The following GRIK2 variants were observed in gnomAD, a reference collection of about 807,000 sequenced individuals.
GRIK2 encodes the protein glutamate ionotropic receptor kainate type subunit 2, also known as glutamate receptor ionotropic, kainate 2.
A neutral mutation model predicts 100.3 loss-of-function variants in GRIK2; 32 were observed. The ratio of observed to expected loss-of-function variants is 0.32; its 90% CI spans 0.24 to 0.43. The LOEUF is 0.43. Among genes scored for constraint, GRIK2 ranks in the 20% least tolerant of loss-of-function variants. The pLI, the probability that GRIK2 is intolerant of heterozygous loss-of-function variation, is 1.00. For missense variants in GRIK2, 843 were observed against 1,114.9 expected, an observed-to-expected ratio of 0.76 and a Z score of 3.47; for synonymous variants, 417 against 389.4, an observed-to-expected ratio of 1.07 and a Z score of -0.83.
At chr6:101,911,935 T>C (rs1303791093) in intron 12 of GRIK2, among the ~76,000 whole-genome samples, 2 of 151,408 alleles carry the variant, frequency 1.3e-5, no homozygotes. Context: ...ACCCTTGTAA[T>C]GTCTACCCTT....
intron 7 of GRIK2, among the ~76,000 whole-genome samples, chr6:101,709,979 T>C (rs1183629677): frequency 6.6e-6 from 1 of 151,828 alleles, no homozygotes; most frequent in East Asian, 1.9e-4. Context: ...GGAAAATAGC[T>C]TTCTGACAGT....
At chr6:101,513,342 G>A (rs1017312403) in intron 2 of GRIK2, among the ~76,000 whole-genome samples, 6 of 152,146 alleles carry the variant, frequency 3.9e-5, no homozygotes, top group Non-Finnish European at 7.4e-5. Flanking sequence ...TAAAGATTGT[G>A]CAGCACAAAG....
chr6:101,731,615 C>A (rs1210102300), intron 7 of GRIK2, among the ~76,000 whole-genome samples: 4 of 151,738 alleles, frequency 2.6e-5, no homozygotes, highest in Non-Finnish European at 5.9e-5. Flanking sequence ...TACTCTTATA[C>A]AGATATAAAA....
intron 9 of GRIK2, among the ~76,000 whole-genome samples, chr6:101,807,919 T>C (rs189381310): frequency 6.6e-6 from 1 of 152,088 alleles, no homozygotes; most frequent in East Asian, 1.9e-4. Context: ...GGGAGAAGAA[T>C]AGCAAAAATA....
chr6:102,014,016 C>T (rs968908250), intron 14 of GRIK2, among the ~76,000 whole-genome samples: 8 of 114,798 alleles, frequency 7.0e-5, no homozygotes, highest in Admixed American at 1.8e-4. Context: ...ACCAGCTCTT[C>T]TTTGTACATC....
At chr6:101,811,773 G>T (rs183670655) in intron 9 of GRIK2, among the ~76,000 whole-genome samples, 4 of 151,144 alleles carry the variant, frequency 2.6e-5, no homozygotes. Flanking sequence ...AACATTTTTT[G>T]GATTTAAAGT....
intron 7 of GRIK2, among the ~76,000 whole-genome samples, chr6:101,719,877 A>G (rs1774352854): frequency 6.6e-6 from 1 of 151,954 alleles, no homozygotes; most frequent in Admixed American, 6.6e-5. Context: ...TTCATTTCAC[A>G]AAGAAGCACA....
intron 7 of GRIK2, chr6:101,744,528 A>G (rs1776271428): frequency 1.4e-5 from 1 of 70,286 alleles, no homozygotes; most frequent in Non-Finnish European, 2.4e-5. Flanking sequence ...GCGCGCATAT[A>G]TATATATATA....
intron 2 of GRIK2, among the ~76,000 whole-genome samples, chr6:101,423,605 A>C (rs1776532028): frequency 6.6e-6 from 1 of 152,100 alleles, no homozygotes; most frequent in African/African-American, 2.4e-5. Context: ...TCTTTGGTGA[A>C]ATGTCTATTC....
chr6:101,858,477 C>T (rs1784554636), intron 10 of GRIK2, among the ~76,000 whole-genome samples: 1 of 150,108 alleles, frequency 6.7e-6, no homozygotes, highest in African/African-American at 2.5e-5. Flanking sequence ...AGCTCCGCCT[C>T]CCGGGTTCAC....
rs1438182639 is a variant in GRIK2, at chr6:101,645,605, G to A, written c.541+18968G>A. 7.2e-5 allele frequency among the ~76,000 whole-genome samples: 11 copies of A among 151,864 alleles called. No individual in the cohort carries two copies. In the Admixed American group the frequency reaches 7.2e-4, roughly 10 times the overall value. On this transcript the variant is annotated intron_variant, in intron 4 of 16. Transcript: ENST00000369134. ...TTGTTCAACAAAACTAAAGCATAAT[G>A]TAATAATTCTCCATCTCCCTTAAGC...
intron 2 of GRIK2, among the ~76,000 whole-genome samples, chr6:101,534,494 G>A (rs138914095): frequency 6.6e-6 from 1 of 151,898 alleles, no homozygotes; most frequent in Non-Finnish European, 1.5e-5. Context: ...AAAGGAACCT[G>A]GTTGTTTTGC....
chr6:101,969,541 A>G (rs1470352973), intron 14 of GRIK2, among the ~76,000 whole-genome samples: 1 of 152,082 alleles, frequency 6.6e-6, no homozygotes, highest in Non-Finnish European at 1.5e-5. Context: ...CAAAGAATAA[A>G]GGAGTAATAC....
In GRIK2 at chr6:101,546,598, G is replaced by C. The variant is rs190321426; in HGVS notation, c.116-75351G>C. 1.6e-3 allele frequency among the ~76,000 whole-genome samples: 243 copies of C among 152,192 alleles called. 1 individual carries two copies. Among genetic ancestry groups the C allele is most frequent in the African/African-American group, 5.8e-3 (241 of 41,548 alleles). The stretch of plus-strand genomic sequence containing the variant: ...GCCCTAGTTTCAGAGGATAACAATA[G>C]TTCTTACCACACAAGAGTGTTGCAT... On this transcript the variant is annotated intron_variant, in intron 2 of 16. Coordinates refer to ENST00000369134, the MANE Select transcript of GRIK2 (RefSeq NM_021956.5).
chr6:101,490,209 C>T (rs1328664784), intron 2 of GRIK2, among the ~76,000 whole-genome samples: 2 of 146,734 alleles, frequency 1.4e-5, no homozygotes, highest in East Asian at 1.9e-4. Flanking sequence ...ACATATTATG[C>T]AACATACTGT....
intron 14 of GRIK2, chr6:101,993,337 A>G (rs1261322982): frequency 6.6e-6 from 1 of 151,504 alleles, no homozygotes; most frequent in Non-Finnish European, 1.5e-5. Context: ...TCTCAAAGTA[A>G]AAAGGAAGAT....
intron 14 of GRIK2, among the ~76,000 whole-genome samples, chr6:102,030,262 T>C (rs13437286): frequency 2.0e-5 from 3 of 151,206 alleles, no homozygotes; most frequent in African/African-American, 7.3e-5. Context: ...TTTCTGACAT[T>C]TTAAACCTCT....
intron 14 of GRIK2, among the ~76,000 whole-genome samples, chr6:101,976,356 T>A (rs1217084125): frequency 2.0e-5 from 3 of 151,870 alleles, no homozygotes; most frequent in Admixed American, 1.3e-4. Context: ...GACAACAGGA[T>A]AACAAAGCTG....
chr6:101,691,237 A>G (rs1004298950), intron 7 of GRIK2, among the ~76,000 whole-genome samples: 3 of 151,966 alleles, frequency 2.0e-5, no homozygotes, highest in East Asian at 1.9e-4. Context: ...TTATCAATAT[A>G]TCTAATCATT....
Sources: gnomAD v4.1 joint callset for allele counts (sites outside exome capture counted in the v4.1 genomes callset) on GRCh38, gnomAD v4.1.1 for gene constraint, MANE v1.5 for transcripts, NCBI Gene and HGNC (gene_info 2026-07-23, HGNC 2026-07-21) for gene names.